Variants in PTPRT observed in about 807,000 individuals in gnomAD.
PTPRT encodes receptor-type tyrosine-protein phosphatase T.
Under a neutral mutation model 176.8 loss-of-function variants are expected in PTPRT, and 56 were observed. The observed-to-expected ratio is 0.32, with a 90% confidence interval of 0.26 to 0.40. The LOEUF (loss-of-function observed/expected upper bound fraction) is 0.40. Ranked by LOEUF, PTPRT falls within the 10% of genes least tolerant of loss-of-function variation. The pLI is 1.00. For missense variants in PTPRT, 1,540 were observed against 1,908.2 expected (o/e 0.81, Z 3.60); for synonymous variants, 783 against 739.0 (o/e 1.06, Z -0.96).
intron 25 of PTPRT, among the ~76,000 whole-genome samples, chr20:42,102,601 C>T (rs1010722242): frequency 2.0e-5 from 3 of 152,132 alleles, no homozygotes; most frequent in African/African-American, 7.2e-5. Context: ...AGTCGTTCAG[C>T]TCAGCCAGTG....
At chr20:42,428,970 G>C (rs529531933) in intron 9 of PTPRT, among the ~76,000 whole-genome samples, 199 of 152,208 alleles carry the variant, frequency 1.3e-3, no homozygotes, top group Non-Finnish European at 2.6e-3. Flanking sequence ...CCCTAATCAA[G>C]TGGATTGATC....
At chr20:42,226,029 T>A (rs1416538481) in intron 15 of PTPRT, among the ~76,000 whole-genome samples, 1 of 152,254 alleles carries the variant, frequency 6.6e-6, no homozygotes, top group East Asian at 1.9e-4. Context: ...TAACCCATGG[T>A]ATCTTTCCTC....
chr20:42,236,518 G>A (rs983510154), intron 14 of PTPRT, among the ~76,000 whole-genome samples: 1 of 151,538 alleles, frequency 6.6e-6, no homozygotes, highest in African/African-American at 2.4e-5. Context: ...AGTAAGCCAT[G>A]TTTCATGTTG....
chr20:42,809,311 C>CGCCAGGTGTGACTCCAGGT (rs1480138371), intron 2 of PTPRT, among the ~76,000 whole-genome samples: 3 of 152,068 alleles, frequency 2.0e-5, no homozygotes, highest in African/African-American at 7.2e-5. Context: ...AGCCCTGTCC[C>CGCCAGGTGTGACTCCAGGT]GCCAGGTGTG....
chr20:42,661,359 G>C (rs914392991), intron 7 of PTPRT, among the ~76,000 whole-genome samples: 1 of 151,972 alleles, frequency 6.6e-6, no homozygotes, highest in Non-Finnish European at 1.5e-5. Flanking sequence ...ATGAGAATGA[G>C]GTCAGTGACT....
At chr20:42,546,684 T>C (rs2072680255) in intron 7 of PTPRT, among the ~76,000 whole-genome samples, 1 of 152,166 alleles carries the variant, frequency 6.6e-6, no homozygotes, top group South Asian at 2.1e-4. Flanking sequence ...CCTGTGACTC[T>C]TCCTTTCACT....
chr20:43,158,799 T>C (rs2014602008), intron 1 of PTPRT, among the ~76,000 whole-genome samples: 1 of 152,184 alleles, frequency 6.6e-6, no homozygotes, highest in African/African-American at 2.4e-5. Flanking sequence ...GAATCTTGGC[T>C]CTACCAATGG....
intron 2 of PTPRT, among the ~76,000 whole-genome samples, chr20:42,810,693 A>G (rs1364596905): frequency 6.6e-6 from 1 of 152,232 alleles, no homozygotes; most frequent in African/African-American, 2.4e-5. Context: ...TTCCTACAAT[A>G]CTGTGGGCAT....
At chr20:42,050,555 C>T in the PTPRT span, among the ~76,000 whole-genome samples, 1 of 152,154 alleles carries the variant, frequency 6.6e-6, no homozygotes, top group African/African-American at 2.4e-5. Context: ...CATGTATTGG[C>T]CTCATGAAAC....
the PTPRT span, among the ~76,000 whole-genome samples, chr20:42,052,482 C>A: frequency 2.6e-5 from 4 of 152,310 alleles, no homozygotes; most frequent in South Asian, 2.1e-4. Context: ...GTGGCCCCCC[C>A]ACACCCCGCA....
At chr20:42,630,171 C>A (rs992602143) in intron 7 of PTPRT, among the ~76,000 whole-genome samples, 1 of 152,030 alleles carries the variant, frequency 6.6e-6, no homozygotes, top group Non-Finnish European at 1.5e-5. Context: ...ACACTGCTAC[C>A]TTTGAAGATA....
At position 42,210,894 on chromosome 20, in the gene PTPRT, T is replaced by A. The variant is rs371238328; in HGVS notation, c.2343-11506A>T. On this transcript the variant is annotated intron_variant, in intron 15 of 30. Transcript: ENST00000373187. ...GGCATCACACTACCTGACTTCAAAC[T>A]ATACTACAAGGCTACAGTAACCAAA... Among the ~76,000 whole-genome samples, 45 of 151,938 alleles carry A rather than the reference T, an allele frequency of 3.0e-4. No individual in the cohort carries two copies. In the South Asian group the frequency reaches 3.5e-3, roughly 12 times the overall value.
chr20:42,085,898 G>A, intron 27 of PTPRT, 45 bp from the exon 28 acceptor site: 2 of 1,553,434 alleles, frequency 1.3e-6, no homozygotes, highest in Non-Finnish European at 8.8e-7. Flanking sequence ...AAGGCAGGGG[G>A]CGGGTATCAA....
intron 15 of PTPRT, among the ~76,000 whole-genome samples, chr20:42,217,571 A>C (rs1174396839): frequency 1.3e-5 from 2 of 152,162 alleles, no homozygotes; most frequent in East Asian, 1.9e-4. Context: ...TGTAGGTACC[A>C]CTGGAAACAC....
chr20:42,258,050 C>G (rs11907838), intron 13 of PTPRT, among the ~76,000 whole-genome samples: 5 of 151,964 alleles, frequency 3.3e-5, no homozygotes, highest in Non-Finnish European at 7.4e-5. Context: ...GGGGGAGAGA[C>G]CGTTCAGCAG....
chr20:43,080,011 C>T (rs1355591948), intron 1 of PTPRT, among the ~76,000 whole-genome samples: 2 of 152,198 alleles, frequency 1.3e-5, no homozygotes, highest in African/African-American at 4.8e-5. Flanking sequence ...AGATTGAGAA[C>T]ATTTCCTTCC....
chr20:42,632,250 T>C lies in PTPRT; in HGVS notation c.1153+45616A>G, dbSNP rs188478295. On this transcript the variant is annotated intron_variant, in intron 7 of 30. Coordinates refer to ENST00000373187, the MANE Select transcript of PTPRT (RefSeq NM_007050.6). ...TGTTGTTGTTGTTGTTTTGTTTTTT[T>C]GTTTTTGAGACGGAGTCTCACTCTG... Among the ~76,000 whole-genome samples the C allele has an allele frequency of 1.8e-3, 274 of 152,314 alleles. 4 individuals carry two copies. The highest frequency in any genetic ancestry group is 0.012 in the East Asian group (63 of 5,182).
chr20:42,195,405 A>G (rs1320618810), intron 16 of PTPRT, among the ~76,000 whole-genome samples: 1 of 152,234 alleles, frequency 6.6e-6, no homozygotes, highest in Non-Finnish European at 1.5e-5. Context: ...TGCCACAAAA[A>G]TAGATTCAAT....
chr20:42,865,111 T>C lies in PTPRT; in HGVS notation c.214+20696A>G, dbSNP rs556036330. Among the ~76,000 whole-genome samples, 127 of 152,348 alleles carry C rather than the reference T, an allele frequency of 8.3e-4. 2 individuals are homozygous for C. The highest frequency in any genetic ancestry group is 2.9e-3 in the African/African-American group (119 of 41,590). ...TTCATTCCTGTATTGTGAAGTCTTT[T>C]CATGTGGTCCCTGGTTGCAGTAATG... On this transcript the variant is annotated intron_variant, in intron 2 of 30. Coordinates refer to ENST00000373187, the MANE Select transcript of PTPRT (RefSeq NM_007050.6).
Sources: gnomAD v4.1 joint callset for allele counts (sites outside exome capture counted in the v4.1 genomes callset) on GRCh38, gnomAD v4.1.1 for gene constraint, MANE v1.5 for transcripts, NCBI Gene and HGNC (gene_info 2026-07-23, HGNC 2026-07-21) for gene names.